RND3: variants seen among roughly 807,000 people sequenced by gnomAD.
RND3 encodes the protein Rho family GTPase 3, also known as rho-related GTP-binding protein RhoE.
In RND3, 8 loss-of-function variants were observed where a neutral mutation model predicts 26.5. The observed-to-expected ratio is 0.30, with a 90% CI of 0.18 to 0.54. The LOEUF (loss-of-function observed/expected upper bound fraction) is 0.54. Among genes scored for constraint, RND3 ranks in the 20% least tolerant of loss-of-function variants. RND3 has a pLI of 0.94. For synonymous variants in RND3, 113 were observed against 113.0 expected, an observed-to-expected ratio of 1.00 and a Z score of 0.00; for missense variants, 207 against 302.8, an observed-to-expected ratio of 0.68 and a Z score of 2.35.
intron 5 of RND3, among the ~76,000 whole-genome samples, chr2:150,470,487 T>C (rs889340486): frequency 3.9e-5 from 6 of 152,210 alleles, no homozygotes; most frequent in Non-Finnish European, 4.4e-5. Flanking sequence ...TTAGAGGTGT[T>C]AGAGCTCTGA....
At position 150,468,250 on chromosome 2, in the gene RND3, T is replaced by A. The variant is rs938051380; in HGVS notation, c.*1737A>T. On this transcript the variant is annotated 3_prime_UTR_variant, in exon 6 of 6. Transcript: ENST00000263895. ...TGAAGAAAAAAAAAGTATGTTTTAA[T>A]AAATACTGCGGAAACATTGACCAAA... 5.2e-5 allele frequency: 8 copies of A among 152,520 alleles called. No individual in the cohort carries two copies. Among genetic ancestry groups the A allele is most frequent in the African/African-American group, 9.7e-5 (4 of 41,416 alleles). The allele number at this position is 152,520 out of a possible 1,614,324, so 9.4% of individuals were successfully genotyped here. A position where few individuals can be genotyped will look rare whatever the true frequency, so the allele number is the denominator to read the frequency against.
At chr2:150,481,146 T>C (rs1686262133) in intron 3 of RND3, among the ~76,000 whole-genome samples, 1 of 152,192 alleles carries the variant, frequency 6.6e-6, no homozygotes, top group African/African-American at 2.4e-5. Context: ...TAGAACTTAG[T>C]CAACTTCTAG....
Position 150,487,474 on chromosome 2 carries a change from A to T in RND3, c.-38-19T>A, listed in dbSNP as rs2334309. On this transcript the variant is annotated intron_variant, in intron 1 of 5. Coordinates refer to ENST00000263895, the MANE Select transcript of RND3 (RefSeq NM_005168.5). ...ATTTTCTCTTAAGAAGAAAAAAAAA[A>T]ATATATATATATATATATATTTCTC... 0.24 allele frequency: 48,682 copies of T among 199,750 alleles called. 5,704 individuals carry two copies. The highest frequency in any genetic ancestry group is 0.47 in the East Asian group (3,869 of 8,208). 12.4% of individuals were successfully genotyped at this position (199,750 alleles called of 1,614,324 possible).
In RND3 at chr2:150,468,466, G is replaced by A. The variant is rs1292945376; in HGVS notation, c.*1521C>T. On this transcript the variant is annotated 3_prime_UTR_variant, in exon 6 of 6. Coordinates refer to ENST00000263895, the MANE Select transcript of RND3 (RefSeq NM_005168.5). ...GTTGGTAAAATGTCTGTATTTTATGGGAAATGACTGGAATCGAATTTTCTT... is the reference window on the plus strand; with the variant it reads ...GTTGGTAAAATGTCTGTATTTTATGAGAAATGACTGGAATCGAATTTTCTT... 1.3e-5 allele frequency: 2 copies of A among 152,500 alleles called. No individual in the cohort carries two copies. Among genetic ancestry groups the A allele is most frequent in the Non-Finnish European group, 2.9e-5 (2 of 68,014 alleles). The allele number at this position is 152,500 out of a possible 1,614,324, so 9.4% of individuals were successfully genotyped here.
At chr2:150,473,569 C>A (rs1419737089) in intron 4 of RND3, among the ~76,000 whole-genome samples, 2 of 152,074 alleles carry the variant, frequency 1.3e-5, no homozygotes, top group Non-Finnish European at 2.9e-5. Context: ...ATTTGACAAG[C>A]ATTAGCATTA....
intron 4 of RND3, among the ~76,000 whole-genome samples, chr2:150,473,518 T>A (rs1686118169): frequency 6.6e-6 from 1 of 152,170 alleles, no homozygotes; most frequent in Non-Finnish European, 1.5e-5. Flanking sequence ...CTAGCAATTG[T>A]TTACAAGCAT....
chr2:150,473,631 A>C (rs1686119791), intron 4 of RND3, among the ~76,000 whole-genome samples: 3 of 152,200 alleles, frequency 2.0e-5, no homozygotes, highest in Non-Finnish European at 4.4e-5. Context: ...AAAGGAAAAA[A>C]GAGTCTTTGA....
chr2:150,475,928 T>C (rs1686156629), intron 3 of RND3, among the ~76,000 whole-genome samples: 1 of 152,214 alleles, frequency 6.6e-6, no homozygotes, highest in Non-Finnish European at 1.5e-5. Flanking sequence ...AGGAAGTTTC[T>C]TCTATTTCTT....
chr2:150,475,141 A>C, intron 3 of RND3, 157 bp from the exon 4 acceptor site: 1 of 561,366 alleles, frequency 1.8e-6, no homozygotes, highest in Non-Finnish European at 3.2e-6. Context: ...AGACACACAA[A>C]AGCCTGCTTA....
At chr2:150,483,085 C>A (rs867524775) in intron 3 of RND3, among the ~76,000 whole-genome samples, 7 of 152,038 alleles carry the variant, frequency 4.6e-5, no homozygotes, top group Non-Finnish European at 7.4e-5. Flanking sequence ...AGTTACTGTG[C>A]CTTAAAAAGC....
chr2:150,485,946 C>T (rs892978060), intron 3 of RND3, among the ~76,000 whole-genome samples: 16 of 152,096 alleles, frequency 1.1e-4, no homozygotes, highest in African/African-American at 3.4e-4. Flanking sequence ...GTGTTGCCCG[C>T]GGCCTTGGAG....
chr2:150,473,887 C>G (rs1686123217), intron 4 of RND3, among the ~76,000 whole-genome samples: 1 of 152,222 alleles, frequency 6.6e-6, no homozygotes, highest in African/African-American at 2.4e-5. Flanking sequence ...TCAATCCATA[C>G]CATACTCAGA....
At chr2:150,487,485 A>C in intron 1 of RND3, 30 bp from the exon 2 acceptor site, 1 of 357,082 alleles carries the variant, frequency 2.8e-6, no homozygotes, top group Non-Finnish European at 4.2e-6. Context: ...ATATATATAT[A>C]TATATATATT....
In RND3 at chr2:150,486,228, C is replaced by G. The variant is rs1168592068; in HGVS notation, c.238+466G>C. 6.6e-6 allele frequency among the ~76,000 whole-genome samples: 1 copy of G among 152,086 alleles called. No individual in the cohort carries two copies. Among genetic ancestry groups the G allele is most frequent in the Non-Finnish European group, 1.5e-5 (1 of 68,012 alleles). ...CAACAGCGGCAATTGCACGTAACCG[C>G]GTCGCCTCTGGGATTTTCTCCCGCC... On this transcript the variant is annotated intron_variant, in intron 3 of 5. Transcript: ENST00000263895. This position sits in a 1 kb window ranked among gnomAD's most constrained non-coding sequence, Gnocchi z 4.5.
intron 3 of RND3, among the ~76,000 whole-genome samples, chr2:150,477,793 G>A (rs1322327999): frequency 6.6e-6 from 1 of 152,098 alleles, no homozygotes; most frequent in Non-Finnish European, 1.5e-5. Context: ...TAGTGCAAAG[G>A]TTTATGAGAA....
chr2:150,477,228 C>T (rs1686184279), intron 3 of RND3, among the ~76,000 whole-genome samples: 2 of 152,090 alleles, frequency 1.3e-5, no homozygotes, highest in South Asian at 4.1e-4. Context: ...GCTTCCAGTA[C>T]AAGCAGACCT....
chr2:150,480,791 C>T (rs1416126934), intron 3 of RND3, among the ~76,000 whole-genome samples: 1 of 152,140 alleles, frequency 6.6e-6, no homozygotes, highest in Non-Finnish European at 1.5e-5. Flanking sequence ...GTTTTATGTA[C>T]TGCTTATTGG....
At chr2:150,478,124 T>C (rs185137844) in intron 3 of RND3, among the ~76,000 whole-genome samples, 368 of 151,934 alleles carry the variant, frequency 2.4e-3, no homozygotes, top group Non-Finnish European at 4.2e-3. Context: ...AAAATATTGA[T>C]ATAGAATTAT....
chr2:150,468,550 C>G lies in RND3; in HGVS notation c.*1437G>C, dbSNP rs912296941. 3.3e-5 allele frequency: 5 copies of G among 152,590 alleles called. No homozygotes were observed. Among genetic ancestry groups the G allele is most frequent in the African/African-American group, 1.2e-4 (5 of 41,416 alleles). 9.5% of individuals were successfully genotyped at this position (152,590 alleles called of 1,614,324 possible). A position where few individuals can be genotyped will look rare whatever the true frequency, so the allele number is the denominator to read the frequency against. ...AACTGAGTGTTGTAATTACCTTAAT[C>G]TCTCCTGCCACGATTTAAGGGGAGC... On this transcript the variant is annotated 3_prime_UTR_variant, in exon 6 of 6. Coordinates refer to ENST00000263895, the MANE Select transcript of RND3 (RefSeq NM_005168.5).
Sources: gnomAD v4.1 joint callset for allele counts (sites outside exome capture counted in the v4.1 genomes callset) on GRCh38, gnomAD v4.1.1 for gene constraint, Gnocchi (gnomAD v3.1) non-coding constraint, MANE v1.5 for transcripts, NCBI Gene and HGNC (gene_info 2026-07-23, HGNC 2026-07-21) for gene names.